Variants in DENND1A observed in about 807,000 individuals in gnomAD.
The protein encoded by DENND1A is DENN domain containing 1A.
In DENND1A, 51 loss-of-function variants were observed where a neutral mutation model predicts 113.7. The observed-to-expected ratio is 0.45, with a 90% CI of 0.36 to 0.57. DENND1A has a LOEUF of 0.57. Among genes scored for constraint, DENND1A ranks in the 20% least tolerant of loss-of-function variants. The probability of loss-of-function intolerance (pLI) is 0.00; values close to 1 mark genes in which losing one functional copy is unlikely to be tolerated. For synonymous variants in DENND1A, 565 were observed against 570.8 expected (o/e 0.99, Z 0.14); for missense variants, 1,258 against 1,395.9 (o/e 0.90, Z 1.57).
At position 123,883,558 on chromosome 9, in the gene DENND1A, T is replaced by G. The variant is rs1290741305; in HGVS notation, c.18-4537A>C. On this transcript the variant is annotated intron_variant, in intron 1 of 23. Coordinates refer to ENST00000394215, the MANE Select transcript of DENND1A (RefSeq NM_001352964.2). ...AGTCTCCAAGTCATCCTGATGCTGC[T>G]GGACCCGTGACCATACTTTAAGAAC... 2.6e-5 allele frequency among the ~76,000 whole-genome samples: 4 copies of G among 152,246 alleles called. No homozygotes were observed. The East Asian group carries it at 7.7e-4, about 29-fold the overall frequency.
At chr9:123,470,509 G>A (rs576288218) in intron 13 of DENND1A, among the ~76,000 whole-genome samples, 1 of 152,316 alleles carries the variant, frequency 6.6e-6, no homozygotes, top group East Asian at 1.9e-4. Context: ...TTGAGGAAGT[G>A]CACTGGAGAG....
chr9:123,416,236 T>A (rs1283443173), intron 19 of DENND1A, among the ~76,000 whole-genome samples: 2 of 152,144 alleles, frequency 1.3e-5, no homozygotes, highest in Admixed American at 6.5e-5. Context: ...GCTGGGCCCC[T>A]GAGCCTGCTC....
intron 1 of DENND1A, among the ~76,000 whole-genome samples, chr9:123,902,267 G>T (rs908157660): frequency 1.5e-4 from 23 of 151,796 alleles, no homozygotes; most frequent in African/African-American, 5.6e-4. Context: ...CTAATCTCTT[G>T]AATTAAAATT....
chr9:123,527,585 G>T (rs1168691867), intron 13 of DENND1A, among the ~76,000 whole-genome samples: 5 of 152,002 alleles, frequency 3.3e-5, no homozygotes, highest in African/African-American at 9.7e-5. Flanking sequence ...CTTCCTCCAG[G>T]GCACTTTGCT....
rs1035880266 is a variant in DENND1A, at chr9:123,759,164, A to G, written c.183-1342T>C. 3.3e-5 allele frequency: 5 copies of G among 152,346 alleles called. No homozygotes were observed. In the East Asian group the frequency reaches 9.6e-4, roughly 29 times the overall value. 9.4% of individuals were successfully genotyped at this position (152,346 alleles called of 1,614,324 possible). A position where few individuals can be genotyped will look rare whatever the true frequency, so the allele number is the denominator to read the frequency against. ...AGTTTTTAAAATCAGTTTACCAGTTAGCTTGGATTTCATTCCATTTTAAAA... is the reference window on the plus strand; with the variant it reads ...AGTTTTTAAAATCAGTTTACCAGTTGGCTTGGATTTCATTCCATTTTAAAA... On this transcript the variant is annotated intron_variant, in intron 4 of 23. Coordinates refer to ENST00000394215, the MANE Select transcript of DENND1A (RefSeq NM_001352964.2).
At chr9:123,672,837 T>C (rs1000304803) in intron 6 of DENND1A, among the ~76,000 whole-genome samples, 3 of 152,252 alleles carry the variant, frequency 2.0e-5, no homozygotes, top group African/African-American at 7.2e-5. Context: ...TATTCTGTTA[T>C]AGCAGCAGAA....
intron 21 of DENND1A, among the ~76,000 whole-genome samples, chr9:123,394,699 ACT>A (rs2043027629): frequency 6.6e-6 from 1 of 152,122 alleles, no homozygotes; most frequent in South Asian, 2.1e-4. Context: ...CTGGCTGGAC[ACT>A]CACATAGGCA....
Position 123,769,658 on chromosome 9 carries a change from A to C in DENND1A, c.133-95T>G, listed in dbSNP as rs1024653988. ...CAATCTAGCAACTTTACCCTAAAGA[A>C]AGAGGAGACAGATGAAGAAATATGG... On this transcript the variant is annotated intron_variant, in intron 3 of 23. Coordinates refer to ENST00000394215, the MANE Select transcript of DENND1A (RefSeq NM_001352964.2). 1.7e-5 allele frequency: 17 copies of C among 1,025,294 alleles called. No homozygotes were observed. The African/African-American group carries it at 2.8e-4, about 17-fold the overall frequency. 63.5% of individuals were successfully genotyped at this position (1,025,294 alleles called of 1,614,324 possible).
At chr9:123,871,774 A>G (rs969274634) in intron 2 of DENND1A, among the ~76,000 whole-genome samples, 6 of 152,134 alleles carry the variant, frequency 3.9e-5, no homozygotes, top group Non-Finnish European at 8.8e-5. Context: ...TAATGCACTG[A>G]AAATGCTGGG....
chr9:123,582,710 A>AT lies in DENND1A; in HGVS notation c.867+458dup, dbSNP rs1484842122. On this transcript the variant is annotated intron_variant, in intron 12 of 23. Coordinates refer to ENST00000394215, the MANE Select transcript of DENND1A (RefSeq NM_001352964.2). Reference sequence around the variant, plus strand: ...CACTGTGCCCGGCCATTTCTTTTTTATTTTTTTGAGATGGAGTCTCGCTCT... The same window carrying AT: ...CACTGTGCCCGGCCATTTCTTTTTTATTTTTTTTGAGATGGAGTCTCGCTCT... 1.2e-4 allele frequency among the ~76,000 whole-genome samples: 9 copies of AT among 78,154 alleles called. No individual in the cohort carries two copies. The East Asian group carries it at 1.6e-3, about 14-fold the overall frequency. 51.3% of individuals were successfully genotyped at this position (78,154 alleles called of 152,430 possible).
chr9:123,433,145 T>C (rs2046262630), intron 19 of DENND1A, among the ~76,000 whole-genome samples: 1 of 152,140 alleles, frequency 6.6e-6, no homozygotes, highest in Admixed American at 6.5e-5. Context: ...TTAAAGGCAA[T>C]ATCTCATTTA....
At chr9:123,643,109 G>A (rs2062116285) in intron 9 of DENND1A, among the ~76,000 whole-genome samples, 1 of 152,046 alleles carries the variant, frequency 6.6e-6, no homozygotes. Context: ...CATCTCCTAA[G>A]GACCAGACTG....
At chr9:123,395,468 C>CTCTCTCTCTGTGTGTGTGTGTGTGTGTG (rs367751848) in intron 21 of DENND1A, among the ~76,000 whole-genome samples, 1 of 142,890 alleles carries the variant, frequency 7.0e-6, no homozygotes, top group African/African-American at 2.7e-5. Flanking sequence ...CTCTCTCTCT[C>CTCTCTCTCTGTGTGTGTGTGTGTGTGTG]TGTGTGTGTG....
At position 123,783,811 on chromosome 9, in the gene DENND1A, G is replaced by C. The variant is rs187178149; in HGVS notation, c.132+8776C>G. 2.0e-5 allele frequency among the ~76,000 whole-genome samples: 3 copies of C among 152,280 alleles called. No homozygotes were observed. In the East Asian group the frequency reaches 5.8e-4, roughly 29 times the overall value. ...ATGTTGTTCACTGAGCCCCCAATCT[G>C]TCCTAGCTGCTCAAAGGGGTCTGTA... On this transcript the variant is annotated intron_variant, in intron 3 of 23. Coordinates refer to ENST00000394215, the MANE Select transcript of DENND1A (RefSeq NM_001352964.2).
intron 12 of DENND1A, among the ~76,000 whole-genome samples, chr9:123,561,927 T>C (rs948783047): frequency 6.6e-6 from 1 of 152,024 alleles, no homozygotes; most frequent in Non-Finnish European, 1.5e-5. Context: ...CCTGAATCCA[T>C]CCTCTCCTCT....
chr9:123,878,893 G>A, intron 2 of DENND1A, 58 bp downstream of exon 2: 1 of 1,534,434 alleles, frequency 6.5e-7, no homozygotes, highest in South Asian at 1.1e-5. Context: ...TATCTCACGT[G>A]CATAGCTATC....
At chr9:123,702,777 T>C (rs1426707685) in intron 5 of DENND1A, among the ~76,000 whole-genome samples, 1 of 152,220 alleles carries the variant, frequency 6.6e-6, no homozygotes, top group Non-Finnish European at 1.5e-5. Flanking sequence ...GGGAGTTCAC[T>C]ATCACCAGAC....
rs912970321 is a variant in DENND1A at position 123,403,543 on chromosome 9, T to C, written c.1543-53A>G. Reference sequence around the variant, plus strand: ...AAGAAGGAGTGAGTTGGAAAAGCCATACAGGTACATTCTGAACATTTGGAT... The same window carrying C: ...AAGAAGGAGTGAGTTGGAAAAGCCACACAGGTACATTCTGAACATTTGGAT... On this transcript the variant is annotated intron_variant, in intron 20 of 23. Transcript: ENST00000394215. 11 of 1,516,936 alleles carry C rather than the reference T, an allele frequency of 7.3e-6. No homozygotes were observed. The African/African-American group carries it at 8.2e-5, about 11-fold the overall frequency. The allele number at this position is 1,516,936 out of a possible 1,614,324, so 94.0% of individuals were successfully genotyped here.
intron 5 of DENND1A, among the ~76,000 whole-genome samples, chr9:123,701,583 C>G (rs1404794084): frequency 6.6e-6 from 1 of 152,164 alleles, no homozygotes; most frequent in Non-Finnish European, 1.5e-5. Context: ...GACCTGCAGC[C>G]CCTATAACAC....
Sources: allele counts gnomAD v4.1 joint callset (sites outside exome capture counted in the v4.1 genomes callset), GRCh38; gene constraint gnomAD v4.1.1; transcripts MANE v1.5; gene names NCBI Gene and HGNC (gene_info 2026-07-23, HGNC 2026-07-21).